Variants in AKAP19 observed in about 807,000 individuals in gnomAD.
AKAP19 encodes A-kinase anchoring protein 19.
At chr2:190,033,914 ATT>A in the AKAP19 span, among the ~76,000 whole-genome samples, 1 of 152,032 alleles carries the variant, frequency 6.6e-6, no homozygotes, top group Non-Finnish European at 1.5e-5. Flanking sequence ...TCCAGTTTCC[ATT>A]ATAGACAGTA....
the AKAP19 span, among the ~76,000 whole-genome samples, chr2:189,941,058 T>G: frequency 8.5e-5 from 13 of 152,278 alleles, no homozygotes; most frequent in African/African-American, 2.9e-4. Flanking sequence ...GGCAATAGAC[T>G]TCTCAATAGA....
chr2:189,951,596 T>C, the AKAP19 span, among the ~76,000 whole-genome samples: 4 of 152,174 alleles, frequency 2.6e-5, no homozygotes, highest in African/African-American at 4.8e-5. Flanking sequence ...ATCTAAAGCT[T>C]TCAAATAAGG....
At chr2:189,940,151 C>T in the AKAP19 span, among the ~76,000 whole-genome samples, 53 of 151,972 alleles carry the variant, frequency 3.5e-4, no homozygotes, top group Non-Finnish European at 4.3e-4. Flanking sequence ...TGGTGGTGGG[C>T]CCCTGTAGTT....
At chr2:190,038,878 C>CTCTTTCTTTCTTTCTTTCTT in the AKAP19 span, among the ~76,000 whole-genome samples, 92 of 80,278 alleles carry the variant, frequency 1.1e-3, 7 homozygotes, top group African/African-American at 4.1e-3. Flanking sequence ...AGAGTCCTCC[C>CTCTTTCTTTCTTTCTTTCTT]TCTTTCTTTC....
chr2:189,965,100 G>T, the AKAP19 span, among the ~76,000 whole-genome samples: 1 of 152,130 alleles, frequency 6.6e-6, no homozygotes, highest in Non-Finnish European at 1.5e-5. Context: ...AAAGGCCATT[G>T]TAGGGTTCTA....
the AKAP19 span, among the ~76,000 whole-genome samples, chr2:190,157,720 T>A: frequency 1.3e-5 from 2 of 152,148 alleles, no homozygotes; most frequent in South Asian, 4.1e-4. Flanking sequence ...ATAATGACAA[T>A]CTTATAAATT....
the AKAP19 span, among the ~76,000 whole-genome samples, chr2:190,149,275 C>G: frequency 6.6e-6 from 1 of 152,026 alleles, no homozygotes. Flanking sequence ...TTTCAAAGAA[C>G]CAGCTTTTTT....
the AKAP19 span, chr2:190,202,468 G>A: frequency 1.2e-5 from 2 of 166,900 alleles, no homozygotes; most frequent in Non-Finnish European, 2.9e-5. Context: ...TAAGAGAGAT[G>A]AATAAACAAA....
the AKAP19 span, among the ~76,000 whole-genome samples, chr2:189,907,794 A>G: frequency 6.6e-6 from 1 of 152,158 alleles, no homozygotes; most frequent in African/African-American, 2.4e-5. Context: ...TTAATACATT[A>G]CAGTTATTCT....
At chr2:189,892,165 A>G in the AKAP19 span, among the ~76,000 whole-genome samples, 3 of 151,888 alleles carry the variant, frequency 2.0e-5, no homozygotes, top group Admixed American at 6.6e-5. Flanking sequence ...GCGTCCGTGC[A>G]TTGCATTAGA....
chr2:190,062,258 A>G, the AKAP19 span: 1 of 1,613,158 alleles, frequency 6.2e-7, no homozygotes, highest in Non-Finnish European at 8.5e-7. Context: ...TTTCCGTTGT[A>G]GCGTGATAAT....
At chr2:189,918,993 G>A in the AKAP19 span, among the ~76,000 whole-genome samples, 1 of 152,038 alleles carries the variant, frequency 6.6e-6, no homozygotes, top group Non-Finnish European at 1.5e-5. Context: ...AGTTAACCAT[G>A]GTCCAAAAAT....
At chr2:190,085,486 T>A in the AKAP19 span, among the ~76,000 whole-genome samples, 1,145 of 152,280 alleles carry the variant, frequency 7.5e-3, 10 homozygotes, top group Non-Finnish European at 0.013. Context: ...CGTTCACTGA[T>A]CATCTAGTGA....
At chr2:189,940,746 C>T in the AKAP19 span, among the ~76,000 whole-genome samples, 1 of 151,910 alleles carries the variant, frequency 6.6e-6, no homozygotes, top group Non-Finnish European at 1.5e-5. Context: ...AAAAAATTAG[C>T]CAGGCGTGGT....
chr2:190,105,548 C>G, the AKAP19 span, among the ~76,000 whole-genome samples: 1 of 152,216 alleles, frequency 6.6e-6, no homozygotes, highest in African/African-American at 2.4e-5. Context: ...GAAAAGTACC[C>G]TATATTTCAC....
chr2:189,917,082 A>G, the AKAP19 span, among the ~76,000 whole-genome samples: 2 of 152,186 alleles, frequency 1.3e-5, no homozygotes, highest in Admixed American at 6.5e-5. Context: ...GAATATAATG[A>G]TAACATATAC....
At chr2:189,920,833 C>T in the AKAP19 span, among the ~76,000 whole-genome samples, 3 of 152,186 alleles carry the variant, frequency 2.0e-5, no homozygotes, top group Non-Finnish European at 4.4e-5. Context: ...TGCCCACTCA[C>T]CCTGTCTTCC....
chr2:190,163,374 C>T, the AKAP19 span, among the ~76,000 whole-genome samples: 2 of 150,992 alleles, frequency 1.3e-5, no homozygotes, highest in Admixed American at 1.3e-4. Flanking sequence ...GCAGAGCTTG[C>T]AGTGAGCCGA....
the AKAP19 span, among the ~76,000 whole-genome samples, chr2:190,034,233 GT>G: frequency 1.3e-5 from 2 of 151,852 alleles, no homozygotes; most frequent in African/African-American, 2.4e-5. Flanking sequence ...TTAAATAAAT[GT>G]TTTTTCACAT....
Sources: allele counts gnomAD v4.1 joint callset (sites outside exome capture counted in the v4.1 genomes callset), GRCh38; gene constraint gnomAD v4.1.1; transcripts MANE v1.5; gene names NCBI Gene and HGNC (gene_info 2026-07-23, HGNC 2026-07-21).